MACROD2: variants seen among roughly 807,000 people sequenced by gnomAD.
MACROD2 encodes mono-ADP ribosylhydrolase 2.
MACROD2 carries 36 observed loss-of-function variants against 70.4 expected under a neutral mutation model. That is an observed-to-expected ratio of 0.51 (90% CI 0.39 to 0.68). The LOEUF is 0.68. Ranked by LOEUF, MACROD2 falls within the 30% of genes least tolerant of loss-of-function variation. The probability of loss-of-function intolerance (pLI) is 0.00; values close to 1 mark genes in which losing one functional copy is unlikely to be tolerated. For missense variants in MACROD2, 496 were observed against 538.4 expected (o/e 0.92, Z 0.78); for synonymous variants, 172 against 178.8 (o/e 0.96, Z 0.30).
At position 15,708,755 on chromosome 20, in the gene MACROD2, G is replaced by C. The variant is rs867774126; in HGVS notation, c.646-153990G>C. On this transcript the variant is annotated intron_variant, in intron 8 of 17. Coordinates refer to ENST00000684519, the MANE Select transcript of MACROD2 (RefSeq NM_001351661.2). Reference sequence around the variant, plus strand: ...AGCTGGGCATGGTAGACTGGACTTGGTGGCTCACACCTGTGATCCCAGCAC... The same window carrying C: ...AGCTGGGCATGGTAGACTGGACTTGCTGGCTCACACCTGTGATCCCAGCAC... Among the ~76,000 whole-genome samples, 3 of 128,470 alleles carry C rather than the reference G, an allele frequency of 2.3e-5. 1 individual carries two copies. The highest frequency in any genetic ancestry group is 3.8e-5 in the Non-Finnish European group (2 of 52,862). The allele number at this position is 128,470 out of a possible 152,430, so 84.3% of individuals were successfully genotyped here.
Position 14,585,633 on chromosome 20 carries a change from A to G in MACROD2, c.301+92125A>G, listed in dbSNP as rs865881705. Among the ~76,000 whole-genome samples, 9 of 152,170 alleles carry G rather than the reference A, an allele frequency of 5.9e-5. No individual in the cohort carries two copies. In the South Asian group the frequency reaches 6.2e-4, roughly 10 times the overall value. On this transcript the variant is annotated intron_variant, in intron 4 of 17. Coordinates refer to ENST00000684519, the MANE Select transcript of MACROD2 (RefSeq NM_001351661.2). ...CTCAGGTAACTACTGCCAATAATCA[A>G]TAAGTGGGACAGATATGGTTTTGTG...
intron 3 of MACROD2, among the ~76,000 whole-genome samples, chr20:14,110,998 A>G (rs978238626): frequency 2.0e-5 from 3 of 152,050 alleles, no homozygotes; most frequent in African/African-American, 7.2e-5. Flanking sequence ...TATAGTAACC[A>G]AAACAGCATG....
In MACROD2 at chr20:14,983,664, C is replaced by A. The variant is rs1290099617; in HGVS notation, c.419-246276C>A. ...CCACCATGATTGTGAGGCCTCCCCA[C>A]CAACATGGAACTGTAAGTTCAATAA... On this transcript the variant is annotated intron_variant, in intron 5 of 17. Transcript: ENST00000684519. 2.0e-5 allele frequency among the ~76,000 whole-genome samples: 3 copies of A among 152,100 alleles called. No individual in the cohort carries two copies. The East Asian group carries it at 5.8e-4, about 29-fold the overall frequency.
intron 4 of MACROD2, among the ~76,000 whole-genome samples, chr20:14,663,178 G>T (rs1467719468): frequency 3.3e-5 from 5 of 151,988 alleles, no homozygotes; most frequent in Non-Finnish European, 7.4e-5. Flanking sequence ...CATGTTCTTT[G>T]TAGGACAGGG....
At chr20:15,141,096 G>T (rs1431577431) in intron 5 of MACROD2, among the ~76,000 whole-genome samples, 7 of 151,834 alleles carry the variant, frequency 4.6e-5, no homozygotes, top group Admixed American at 4.6e-4. Flanking sequence ...ATGCATACAG[G>T]CACTAGCATA....
intron 5 of MACROD2, among the ~76,000 whole-genome samples, chr20:14,790,315 G>A (rs1303198916): frequency 1.3e-5 from 2 of 151,804 alleles, no homozygotes; most frequent in Admixed American, 6.6e-5. Flanking sequence ...TATTGCTTTA[G>A]GCCAAAGGTC....
intron 8 of MACROD2, among the ~76,000 whole-genome samples, chr20:15,786,182 G>A (rs184117518): frequency 4.3e-4 from 64 of 149,672 alleles, no homozygotes; most frequent in Admixed American, 4.1e-3. Flanking sequence ...AACCCAGCAG[G>A]GGCAAATCAT....
chr20:14,032,611 T>C (rs566196788), intron 2 of MACROD2, among the ~76,000 whole-genome samples: 190 of 152,316 alleles, frequency 1.2e-3, no homozygotes, highest in Non-Finnish European at 1.9e-3. Flanking sequence ...CCCATTTTTT[T>C]CTATTGCATT....
chr20:15,494,845 CATTT>C (rs1271431750), intron 7 of MACROD2, among the ~76,000 whole-genome samples: 3 of 151,334 alleles, frequency 2.0e-5, no homozygotes, highest in Non-Finnish European at 2.9e-5. Flanking sequence ...AGAAAAAAAT[CATTT>C]ATTTATCGTA....
intron 4 of MACROD2, among the ~76,000 whole-genome samples, chr20:14,543,758 G>A (rs4239713): frequency 0.4 from 61,187 of 151,896 alleles, 12,916 homozygotes; most frequent in East Asian, 0.65. Context: ...CACCACTTAC[G>A]TTACAATATC....
At chr20:14,260,159 TAAG>T (rs1270019595) in intron 3 of MACROD2, among the ~76,000 whole-genome samples, 1 of 152,152 alleles carries the variant, frequency 6.6e-6, no homozygotes, top group African/African-American at 2.4e-5. Flanking sequence ...AAAACAGTCT[TAAG>T]AAGAACACTG....
chr20:15,945,874 C>G (rs1008141370), intron 12 of MACROD2, among the ~76,000 whole-genome samples: 6 of 152,222 alleles, frequency 3.9e-5, no homozygotes, highest in Admixed American at 2.6e-4. Context: ...GAATTTGGAG[C>G]AGAGGACTTT....
chr20:15,416,916 A>C (rs904527266), intron 6 of MACROD2, among the ~76,000 whole-genome samples: 26 of 150,234 alleles, frequency 1.7e-4, no homozygotes, highest in African/African-American at 6.3e-4. Flanking sequence ...AAAAAAAAGA[A>C]GTGGCTGTAC....
chr20:15,766,880 G>T (rs1337507560), intron 8 of MACROD2, among the ~76,000 whole-genome samples: 1 of 152,158 alleles, frequency 6.6e-6, no homozygotes, highest in Non-Finnish European at 1.5e-5. Context: ...CAACTGGCTG[G>T]CCCAGGCTTG....
intron 6 of MACROD2, among the ~76,000 whole-genome samples, chr20:15,275,779 G>A (rs1010353906): frequency 6.6e-6 from 1 of 152,172 alleles, no homozygotes; most frequent in Admixed American, 6.5e-5. Flanking sequence ...GGAGACTCAG[G>A]CCTGTCTCTT....
chr20:15,446,342 T>A (rs1480912923), intron 7 of MACROD2, among the ~76,000 whole-genome samples: 4 of 152,234 alleles, frequency 2.6e-5, no homozygotes, highest in African/African-American at 7.2e-5. Context: ...TGCATCTGTA[T>A]CCTCAGGGTA....
chr20:14,061,143 G>A lies in MACROD2; in HGVS notation c.164-24478G>A, dbSNP rs190091109. On this transcript the variant is annotated intron_variant, in intron 2 of 17. Transcript: ENST00000684519. ...CTGAAAAGCATTGCTAAATATGATG[G>A]TTTCTCCTTTGAAATGTACTTTGAG... Among the ~76,000 whole-genome samples, 489 of 152,116 alleles carry A rather than the reference G, an allele frequency of 3.2e-3. 2 individuals are homozygous for A. The highest frequency in any genetic ancestry group is 4.9e-3 in the Non-Finnish European group (332 of 67,948).
In MACROD2 at chr20:15,859,759, CTT is replaced by C. The variant is rs10710498; in HGVS notation, c.646-2973_646-2972del. 2.6e-3 allele frequency among the ~76,000 whole-genome samples: 380 copies of C among 143,782 alleles called. 1 individual carries two copies. Among genetic ancestry groups the C allele is most frequent in the African/African-American group, 7.4e-3 (290 of 38,956 alleles). The allele number at this position is 143,782 out of a possible 152,430, so 94.3% of individuals were successfully genotyped here. A position where few individuals can be genotyped will look rare whatever the true frequency, so the allele number is the denominator to read the frequency against. The stretch of plus-strand genomic sequence containing the variant: ...GTGTTTCACTGTCACCATCCCCGCG[CTT>C]TTTTTTTTTTTTCTGGGAAAATAAG... On this transcript the variant is annotated intron_variant, in intron 8 of 17. Transcript: ENST00000684519.
intron 8 of MACROD2, among the ~76,000 whole-genome samples, chr20:15,590,199 C>A (rs1406734222): frequency 1.3e-5 from 2 of 152,176 alleles, no homozygotes; most frequent in East Asian, 3.8e-4. Context: ...GATTTGTTTA[C>A]ACCTAGTGTT....
Sources: gnomAD v4.1 joint callset for allele counts (sites outside exome capture counted in the v4.1 genomes callset) on GRCh38, gnomAD v4.1.1 for gene constraint, MANE v1.5 for transcripts, NCBI Gene and HGNC (gene_info 2026-07-23, HGNC 2026-07-21) for gene names.